Variants in HSPA12B observed in about 807,000 individuals in gnomAD.
HSPA12B encodes the protein heat shock protein family A (Hsp70) member 12B, also known as heat shock 70 kDa protein 12B.
In HSPA12B, 54 loss-of-function variants were observed where a neutral mutation model predicts 69.3. The ratio of observed to expected loss-of-function variants is 0.78; its 90% CI spans 0.63 to 0.98. The LOEUF (loss-of-function observed/expected upper bound fraction) is 0.98, where lower values mean the gene tolerates loss of function less well. Ranked by LOEUF, HSPA12B falls within the 50% of genes least tolerant of loss-of-function variation. HSPA12B has a pLI of 0.00. For missense variants in HSPA12B, 929 were observed against 999.8 expected (o/e 0.93, Z 0.96); for synonymous variants, 441 against 436.5 (o/e 1.01, Z -0.13).
Position 3,744,896 on chromosome 20 carries a change from C to T in HSPA12B, c.267-6C>T. The T allele has an allele frequency of 6.2e-7, 1 of 1,611,618 alleles. No homozygotes were observed. The highest frequency in any genetic ancestry group is 8.5e-7 in the Non-Finnish European group (1 of 1,179,788). On this transcript the variant is annotated splice_polypyrimidine_tract_variant and splice_region_variant and intron_variant, in intron 4 of 12. Coordinates refer to ENST00000254963, the MANE Select transcript of HSPA12B (RefSeq NM_052970.5). The surrounding 1 kb of genome is among the most constrained non-coding windows in gnomAD (Gnocchi z 4.9). ...GGGTTGCACTGACTGCCCTGTGCCT[C>T]CGCAGGAAATGGGAGGGCGGAGACC... is the stretch of plus-strand genomic sequence containing the variant.
Position 3,749,337 on chromosome 20 carries a change from G to A in HSPA12B, c.937+19G>A, listed in dbSNP as rs781515095. On this transcript the variant is annotated intron_variant, in intron 9 of 12. Transcript: ENST00000254963. The surrounding 1 kb of genome is among the most constrained non-coding windows in gnomAD (Gnocchi z 5.5). ...CAAGCAGGTAGGGGGAAAGGGGGAC[G>A]GAGTGTTATCCTTGGCCCCTACCGG... 5.6e-5 allele frequency: 90 copies of A among 1,603,946 alleles called. No homozygotes were observed. Among genetic ancestry groups the A allele is most frequent in the Non-Finnish European group, 7.0e-5 (82 of 1,172,422 alleles).
In HSPA12B at chr20:3,745,655, C is replaced by T; in HGVS notation, c.558+58C>T. On this transcript the variant is annotated intron_variant, in intron 6 of 12. Coordinates refer to ENST00000254963, the MANE Select transcript of HSPA12B (RefSeq NM_052970.5). This position sits in a 1 kb window ranked among gnomAD's most constrained non-coding sequence, Gnocchi z 5.6. The stretch of plus-strand genomic sequence containing the variant: ...CAGGGACCCCCTATTTTCCCCTCAT[C>T]CGAAACCGCTCCCCCATCCCGTCCC... 2.0e-6 allele frequency: 3 copies of T among 1,471,288 alleles called. No individual in the cohort carries two copies. In the South Asian group the frequency reaches 3.4e-5, roughly 17 times the overall value. The allele number at this position is 1,471,288 out of a possible 1,614,324, so 91.1% of individuals were successfully genotyped here.
chr20:3,737,165 A>C lies in HSPA12B; in HGVS notation c.-17-1493A>C, dbSNP rs1488080185. 6.6e-6 allele frequency among the ~76,000 whole-genome samples: 1 copy of C among 152,200 alleles called. No homozygotes were observed. Among genetic ancestry groups the C allele is most frequent in the Non-Finnish European group, 1.5e-5 (1 of 68,040 alleles). ...TGGGGCCTGAGGTTCTGCATTTCTA[A>C]CAAGCTTCCAGGTGATACCAATGCT... On this transcript the variant is annotated intron_variant, in intron 1 of 12. Transcript: ENST00000254963. This position sits in a 1 kb window ranked among gnomAD's most constrained non-coding sequence, Gnocchi z 4.1.
In HSPA12B at chr20:3,745,676, G is replaced by A; in HGVS notation, c.558+79G>A. The A allele has an allele frequency of 9.3e-6, 12 of 1,293,742 alleles. No homozygotes were observed. The highest frequency in any genetic ancestry group is 1.2e-5 in the South Asian group (1 of 83,444). 80.1% of individuals were successfully genotyped at this position (1,293,742 alleles called of 1,614,324 possible). ...TCATCCGAAACCGCTCCCCCATCCC[G>A]TCCCCGACATTGGATGGGTAGCCAC... On this transcript the variant is annotated intron_variant, in intron 6 of 12. Transcript: ENST00000254963. This position sits in a 1 kb window ranked among gnomAD's most constrained non-coding sequence, Gnocchi z 5.6.
rs1177156628 is a variant in HSPA12B, at chr20:3,752,155, C to T, written c.2050C>T (p.Leu684Phe). ...NRSVRASIDF[L>F]SN is the part of the protein sequence containing the mutation. ...CTCCGTGCGCGCGTCCATCGACTTTCTTTCCAACTGAGGGCGCGCCGGCGC... is the reference window on the plus strand; with the variant it reads ...CTCCGTGCGCGCGTCCATCGACTTTTTTTCCAACTGAGGGCGCGCCGGCGC... Residue 684 changes from leucine (L) to phenylalanine (F), a missense_variant, in exon 13 of 13, where the codon CTT (leucine) becomes TTT (phenylalanine). Physicochemically the swap from Leu to Phe is conservative, Grantham distance 22. Coordinates refer to ENST00000254963, the MANE Select transcript of HSPA12B (RefSeq NM_052970.5). The T allele has an allele frequency of 1.5e-5, 22 of 1,455,532 alleles. No homozygotes were observed. Among genetic ancestry groups the T allele is most frequent in the Non-Finnish European group, 1.9e-5 (21 of 1,111,262 alleles). 90.2% of individuals were successfully genotyped at this position (1,455,532 alleles called of 1,614,324 possible).
intron 7 of HSPA12B, 25 bp downstream of exon 7, chr20:3,746,056 G>C (rs754894106): frequency 3.0e-5 from 47 of 1,570,132 alleles, no homozygotes; most frequent in Non-Finnish European, 3.9e-5. Context: ...GCGGGCCCGA[G>C]AACACTGCTC....
Position 3,740,159 on chromosome 20 carries a change from T to TGG in HSPA12B, c.44-651_44-650dup, listed in dbSNP as rs369809848. ...CTCAGGGTGTGTGTATGTGTGTGTG[T>TGG]GGGGGGTGGGAATCAGACTTCCTAA... On this transcript the variant is annotated intron_variant, in intron 2 of 12. Transcript: ENST00000254963. This position sits in a 1 kb window ranked among gnomAD's most constrained non-coding sequence, Gnocchi z 4.9. Among the ~76,000 whole-genome samples, 2,120 of 151,526 alleles carry TGG rather than the reference T, an allele frequency of 0.014. 65 individuals carry two copies. The highest frequency in any genetic ancestry group is 0.049 in the African/African-American group (2,028 of 41,002).
chr20:3,752,171 G>T lies in HSPA12B; in HGVS notation c.*5G>T. On this transcript the variant is annotated 3_prime_UTR_variant, in exon 13 of 13. Transcript: ENST00000254963. ...ATCGACTTTCTTTCCAACTGAGGGC[G>T]CGCCGGCGCGGTGCCAGCGCCGTCT... 2 of 1,454,632 alleles carry T rather than the reference G, an allele frequency of 1.4e-6. No individual in the cohort carries two copies. The highest frequency in any genetic ancestry group is 1.8e-6 in the Non-Finnish European group (2 of 1,111,262). 90.1% of individuals were successfully genotyped at this position (1,454,632 alleles called of 1,614,324 possible).
At position 3,749,467 on chromosome 20, in the gene HSPA12B, C is replaced by T. The variant is rs746164198; in HGVS notation, c.937+149C>T. 5 of 742,624 alleles carry T rather than the reference C, an allele frequency of 6.7e-6. No homozygotes were observed. Among genetic ancestry groups the T allele is most frequent in the Non-Finnish European group, 1.1e-5 (5 of 450,408 alleles). 46.0% of individuals were successfully genotyped at this position (742,624 alleles called of 1,614,324 possible). The stretch of plus-strand genomic sequence containing the variant: ...GTCCCCTCACAGTCACCCGCACCCC[C>T]ACCCCACTCACAGCGGCGCCCCTAA... On this transcript the variant is annotated intron_variant, in intron 9 of 12. Transcript: ENST00000254963. The surrounding 1 kb of genome is among the most constrained non-coding windows in gnomAD (Gnocchi z 5.5).
intron 12 of HSPA12B, 149 bp downstream of exon 12, chr20:3,751,056 A>G: frequency 2.3e-6 from 2 of 885,390 alleles, no homozygotes. Flanking sequence ...GATGAAGTGC[A>G]GTGGTGATTA....
At chr20:3,746,657 C>T (rs916476093) in intron 7 of HSPA12B, among the ~76,000 whole-genome samples, 2 of 152,118 alleles carry the variant, frequency 1.3e-5, no homozygotes, top group Non-Finnish European at 1.5e-5. Flanking sequence ...AGGAGAAAGG[C>T]GAGGGAGGGA....
Position 3,749,678 on chromosome 20 carries a change from C to T in HSPA12B, c.938-72C>T, listed in dbSNP as rs966229109. 1.7e-5 allele frequency: 20 copies of T among 1,158,396 alleles called. 1 individual carries two copies. The highest frequency in any genetic ancestry group is 3.1e-5 in the African/African-American group (2 of 64,534). The allele number at this position is 1,158,396 out of a possible 1,614,324, so 71.8% of individuals were successfully genotyped here. On this transcript the variant is annotated intron_variant, in intron 9 of 12. Transcript: ENST00000254963. This position sits in a 1 kb window ranked among gnomAD's most constrained non-coding sequence, Gnocchi z 5.5. ...ACCCGGGGCAGGGCTGGAGGCTGGG[C>T]GAGGCTGGAGGGGGCGCAGGGCTGA...
intron 12 of HSPA12B, 173 bp from the exon 13 acceptor site, chr20:3,751,338 C>A (rs537223713): frequency 1.0e-6 from 1 of 985,478 alleles, no homozygotes; most frequent in African/African-American, 1.7e-5. Context: ...CCCTCGAGGA[C>A]TCCCGTGAGC....
chr20:3,740,771 C>T lies in HSPA12B; in HGVS notation c.44-44C>T, dbSNP rs1162315524. On this transcript the variant is annotated intron_variant, in intron 2 of 12. Coordinates refer to ENST00000254963, the MANE Select transcript of HSPA12B (RefSeq NM_052970.5). This position sits in a 1 kb window ranked among gnomAD's most constrained non-coding sequence, Gnocchi z 4.9. Reference sequence around the variant, plus strand: ...CTGGCTTGGGGCCCCGCTGCCATACCTACCCTGCTTGTGCCAGGATGAACT... The same window carrying T: ...CTGGCTTGGGGCCCCGCTGCCATACTTACCCTGCTTGTGCCAGGATGAACT... 1.3e-6 allele frequency: 2 copies of T among 1,562,306 alleles called. No individual in the cohort carries two copies. The highest frequency in any genetic ancestry group is 1.4e-5 in the African/African-American group (1 of 73,774).
chr20:3,745,176 G>T lies in HSPA12B; in HGVS notation c.453+88G>T. 7 of 1,215,158 alleles carry T rather than the reference G, an allele frequency of 5.8e-6. No individual in the cohort carries two copies. Among genetic ancestry groups the T allele is most frequent in the Non-Finnish European group, 8.2e-6 (7 of 854,992 alleles). 75.3% of individuals were successfully genotyped at this position (1,215,158 alleles called of 1,614,324 possible). A position where few individuals can be genotyped will look rare whatever the true frequency, so the allele number is the denominator to read the frequency against. On this transcript the variant is annotated intron_variant, in intron 5 of 12. Transcript: ENST00000254963. The surrounding 1 kb of genome is among the most constrained non-coding windows in gnomAD (Gnocchi z 5.6). ...GGTGGGTGGGACAAAACCAAAACGT[G>T]TGAGGACCGGCCCGATGGAGTCGTG... is the stretch of plus-strand genomic sequence containing the variant.
intron 4 of HSPA12B, 31 bp downstream of exon 4, chr20:3,742,439 G>A: frequency 6.7e-7 from 1 of 1,491,948 alleles, no homozygotes; most frequent in Non-Finnish European, 9.1e-7. Context: ...AGAGTGAGGT[G>A]GGGAAGGTGG....
intron 1 of HSPA12B, among the ~76,000 whole-genome samples, chr20:3,736,629 C>A (rs1361197626): frequency 6.6e-6 from 1 of 152,210 alleles, no homozygotes; most frequent in African/African-American, 2.4e-5. Context: ...CAGCCAGGCC[C>A]ACCAATGAGA....
intron 3 of HSPA12B, 101 bp downstream of exon 3, chr20:3,741,013 G>T: frequency 1.1e-6 from 1 of 914,316 alleles, no homozygotes; most frequent in South Asian, 1.6e-5. Flanking sequence ...AAGGAGGAGG[G>T]GATGGGGGTA....
At chr20:3,736,840 T>C (rs1198180211) in intron 1 of HSPA12B, among the ~76,000 whole-genome samples, 1 of 152,136 alleles carries the variant, frequency 6.6e-6, no homozygotes, top group Non-Finnish European at 1.5e-5. Flanking sequence ...CTGGCCAATA[T>C]GGTGAAACCC....
Sources: allele counts gnomAD v4.1 joint callset (sites outside exome capture counted in the v4.1 genomes callset), GRCh38; gene constraint gnomAD v4.1.1; non-coding constraint Gnocchi (gnomAD v3.1); transcripts MANE v1.5; gene names NCBI Gene and HGNC (gene_info 2026-07-23, HGNC 2026-07-21).